The following PCNX2 variants were observed in gnomAD, a reference collection of about 807,000 sequenced individuals.
The protein encoded by PCNX2 is pecanex-like protein 2.
A neutral mutation model predicts 223.8 loss-of-function variants in PCNX2; 168 were observed. That is an observed-to-expected ratio of 0.75 (90% CI 0.66 to 0.85). The LOEUF (loss-of-function observed/expected upper bound fraction) is 0.85, where lower values mean the gene tolerates loss of function less well. Among genes scored for constraint, PCNX2 ranks in the 40% least tolerant of loss-of-function variants. The pLI, the probability that PCNX2 is intolerant of heterozygous loss-of-function variation, is 0.00. For synonymous variants in PCNX2, 1,006 were observed against 1,052.6 expected (o/e 0.96, Z 0.86); for missense variants, 2,507 against 2,675.5 (o/e 0.94, Z 1.39).
chr1:233,025,033 T>C (rs1284870823), intron 26 of PCNX2, 113 bp downstream of exon 26: 3 of 1,413,500 alleles, frequency 2.1e-6, no homozygotes, highest in Non-Finnish European at 2.9e-6. Context: ...GGGTTTCCAA[T>C]TCGGAAGCTG....
At chr1:233,166,708 C>T (rs761563948) in intron 17 of PCNX2, among the ~76,000 whole-genome samples, 5 of 152,116 alleles carry the variant, frequency 3.3e-5, no homozygotes, top group Admixed American at 6.5e-5. Context: ...CAAAAGGAAA[C>T]AGTTGTTTTT....
chr1:233,029,293 G>C (rs1470078946), intron 25 of PCNX2, among the ~76,000 whole-genome samples: 1 of 151,926 alleles, frequency 6.6e-6, no homozygotes, highest in Non-Finnish European at 1.5e-5. Flanking sequence ...TTTCATATGA[G>C]TCCTCCAATG....
chr1:233,168,955 C>T (rs1417324547), intron 17 of PCNX2, among the ~76,000 whole-genome samples: 2 of 152,130 alleles, frequency 1.3e-5, no homozygotes, highest in African/African-American at 4.8e-5. Flanking sequence ...TTATTTCATA[C>T]ATTTACTTAA....
intron 8 of PCNX2, among the ~76,000 whole-genome samples, chr1:233,244,643 A>T (rs995115834): frequency 6.6e-6 from 1 of 152,152 alleles, no homozygotes; most frequent in Non-Finnish European, 1.5e-5. Flanking sequence ...CCCAGGAGGC[A>T]GAAGTTGTGG....
chr1:233,136,864 G>C (rs1304495988), intron 20 of PCNX2, among the ~76,000 whole-genome samples: 2 of 152,170 alleles, frequency 1.3e-5, no homozygotes, highest in Non-Finnish European at 2.9e-5. Context: ...AGGGGAGACT[G>C]CTGATTTTCT....
At chr1:233,043,312 G>A (rs565477937) in intron 25 of PCNX2, among the ~76,000 whole-genome samples, 1 of 152,096 alleles carries the variant, frequency 6.6e-6, no homozygotes, top group South Asian at 2.1e-4. Context: ...TGGGATTTAC[G>A]ATCCAATAGA....
intron 17 of PCNX2, among the ~76,000 whole-genome samples, chr1:233,171,947 C>G (rs1314498821): frequency 1.3e-5 from 2 of 152,084 alleles, no homozygotes; most frequent in Non-Finnish European, 2.9e-5. Context: ...CACTAATTCT[C>G]TCTTCAGAGG....
At chr1:233,179,852 T>C (rs1254339065) in intron 15 of PCNX2, among the ~76,000 whole-genome samples, 2 of 152,236 alleles carry the variant, frequency 1.3e-5, no homozygotes, top group African/African-American at 2.4e-5. Context: ...TCCTTAAACC[T>C]TTCATGAGCA....
intron 12 of PCNX2, among the ~76,000 whole-genome samples, chr1:233,213,448 G>A (rs1431365007): frequency 1.3e-5 from 2 of 152,250 alleles, no homozygotes; most frequent in Admixed American, 6.5e-5. Flanking sequence ...TGCAACAAAT[G>A]TATCATATTG....
At chr1:233,199,957 G>C (rs571085918) in intron 14 of PCNX2, among the ~76,000 whole-genome samples, 197 bp downstream of exon 14, 1 of 152,110 alleles carries the variant, frequency 6.6e-6, no homozygotes, top group Non-Finnish European at 1.5e-5. Flanking sequence ...GCTCAACCAA[G>C]CTAAGTGGAC....
At chr1:233,280,911 ATAAT>A (rs1221949573) in intron 1 of PCNX2, among the ~76,000 whole-genome samples, 5 of 152,240 alleles carry the variant, frequency 3.3e-5, no homozygotes, top group African/African-American at 9.6e-5. Context: ...TAAGTATAAA[ATAAT>A]TAATACACTG....
chr1:233,220,121 C>T lies in PCNX2; in HGVS notation c.2505-1937G>A, dbSNP rs567016324. 3.9e-5 allele frequency among the ~76,000 whole-genome samples: 6 copies of T among 152,280 alleles called. No homozygotes were observed. In the East Asian group the frequency reaches 9.6e-4, roughly 24 times the overall value. ...GTCTCTGTGGCTTGGTGCCTCACTT[C>T]TTTTTATCTCTTATAGCATCTCATT... On this transcript the variant is annotated intron_variant, in intron 10 of 33. Coordinates refer to ENST00000258229, the MANE Select transcript of PCNX2 (RefSeq NM_014801.4).
chr1:233,220,616 ATTTTCGGG>A (rs1369819430), intron 10 of PCNX2, among the ~76,000 whole-genome samples: 6 of 151,464 alleles, frequency 4.0e-5, no homozygotes, highest in Non-Finnish European at 7.4e-5. Context: ...CCTTAAGCCC[ATTTTCGGG>A]TTGTTCCTTT....
At chr1:233,169,428 C>T (rs1270946113) in intron 17 of PCNX2, among the ~76,000 whole-genome samples, 1 of 151,670 alleles carries the variant, frequency 6.6e-6, no homozygotes. Flanking sequence ...GGGCGGATCA[C>T]GAGGTCAGGA....
intron 9 of PCNX2, among the ~76,000 whole-genome samples, chr1:233,230,747 G>A (rs1265887401): frequency 6.6e-6 from 1 of 152,146 alleles, no homozygotes; most frequent in Non-Finnish European, 1.5e-5. Flanking sequence ...ATGGATTAGT[G>A]TTTATATCAT....
intron 1 of PCNX2, among the ~76,000 whole-genome samples, chr1:233,276,961 C>T (rs1242329692): frequency 6.6e-6 from 1 of 152,214 alleles, no homozygotes; most frequent in Non-Finnish European, 1.5e-5. Context: ...AGCAAGGGAA[C>T]CTAACCTAGA....
rs1466633356 is a variant in PCNX2, at chr1:233,254,857, TTAAA to T, written c.1835-2073_1835-2070del. 3.3e-5 allele frequency among the ~76,000 whole-genome samples: 5 copies of T among 152,274 alleles called. No homozygotes were observed. The East Asian group carries it at 5.8e-4, about 18-fold the overall frequency. On this transcript the variant is annotated intron_variant, in intron 5 of 33. Coordinates refer to ENST00000258229, the MANE Select transcript of PCNX2 (RefSeq NM_014801.4). ...AATATTACACTGATAATGGTATAAT[TTAAA>T]TAGACCCTGACTATAAATTTACATT...
chr1:232,987,058 G>A (rs1376597544), intron 32 of PCNX2, among the ~76,000 whole-genome samples: 1 of 152,196 alleles, frequency 6.6e-6, no homozygotes, highest in African/African-American at 2.4e-5. Context: ...AAGGGGAGGA[G>A]AGCTGAAAGC....
At chr1:233,085,341 A>G (rs573310896) in intron 23 of PCNX2, among the ~76,000 whole-genome samples, 4 of 152,258 alleles carry the variant, frequency 2.6e-5, no homozygotes, top group Admixed American at 6.5e-5. Flanking sequence ...CAAAAAAAAA[A>G]AAAAAAGTAC....
Sources: allele counts gnomAD v4.1 joint callset (sites outside exome capture counted in the v4.1 genomes callset), GRCh38; gene constraint gnomAD v4.1.1; transcripts MANE v1.5; gene names NCBI Gene and HGNC (gene_info 2026-07-23, HGNC 2026-07-21).